Variants in GAMT observed in about 807,000 individuals in gnomAD.
GAMT encodes the protein epididymis secretory protein Li 20.
Under a neutral mutation model 26.9 loss-of-function variants are expected in GAMT, and 26 were observed. The observed-to-expected ratio is 0.97, with a 90% CI of 0.71 to 1.34. The LOEUF (loss-of-function observed/expected upper bound fraction) is 1.34, where lower values mean the gene tolerates loss of function less well. GAMT is among the 40% of genes most tolerant of loss of function. The pLI, the probability that GAMT is intolerant of heterozygous loss-of-function variation, is 0.00. For missense variants in GAMT, 412 were observed against 345.0 expected (o/e 1.19, Z -1.54); for synonymous variants, 169 against 149.6 (o/e 1.13, Z -0.95).
chr19:1,398,317 C>G (rs943379716), intron 5 of GAMT: 39 of 188,800 alleles, frequency 2.1e-4, no homozygotes, highest in African/African-American at 8.5e-4. Flanking sequence ...AGGCTAGGCT[C>G]AAACTCCTGG....
At chr19:1,398,611 A>ATT (rs61684562) in intron 5 of GAMT, 89 of 683,776 alleles carry the variant, frequency 1.3e-4, no homozygotes, top group South Asian at 1.8e-4. Context: ...AGTTTTTTGT[A>ATT]TTTTTTTTTT....
At chr19:1,398,064 T>C in intron 5 of GAMT, 1 of 998,346 alleles carries the variant, frequency 1.0e-6, no homozygotes, top group Non-Finnish European at 1.2e-6. Context: ...CATGGGAGGT[T>C]GTTGAGCTGG....
chr19:1,397,612 G>A, intron 5 of GAMT, 113 bp from the exon 6 acceptor site: 2 of 1,512,464 alleles, frequency 1.3e-6, no homozygotes, highest in East Asian at 2.3e-5. Context: ...GTGGGCGGCT[G>A]CAGCTCCCGT....
chr19:1,397,684 G>A (rs907718719), intron 5 of GAMT, 185 bp from the exon 6 acceptor site: 17 of 1,375,888 alleles, frequency 1.2e-5, no homozygotes, highest in Non-Finnish European at 1.5e-5. Context: ...GCTCCCCAGT[G>A]CGGGCAGCAG....
Position 1,401,361 on chromosome 19 carries a change from TTGCCCAGGA to T in GAMT, c.107_115del (p.Ile36_Gly38del). The T allele has an allele frequency of 1.3e-6, 2 of 1,528,130 alleles. No individual in the cohort carries two copies. Among genetic ancestry groups the T allele is most frequent in the Non-Finnish European group, 1.7e-6 (2 of 1,146,710 alleles). The allele number at this position is 1,528,130 out of a possible 1,614,324, so 94.7% of individuals were successfully genotyped here. A position where few individuals can be genotyped will look rare whatever the true frequency, so the allele number is the denominator to read the frequency against. Reference sequence around the variant, plus strand: ...GGTCTCCCAGCGCTCCATCACCGGCTTGCCCAGGATGCGCAGGTGCGTGTCCGCTGCGTC... The same window carrying T: ...GGTCTCCCAGCGCTCCATCACCGGCTTGCGCAGGTGCGTGTCCGCTGCGTC... On this transcript the variant is annotated inframe_deletion, in exon 1 of 6. Transcript: ENST00000252288.
chr19:1,398,450 T>A, intron 5 of GAMT: 1 of 416,958 alleles, frequency 2.4e-6, no homozygotes, highest in Non-Finnish European at 4.2e-6. Context: ...CTTTCTTTTT[T>A]CTTGAGACAG....
chr19:1,398,289 G>T (rs2082611943), intron 5 of GAMT: 2 of 180,628 alleles, frequency 1.1e-5, no homozygotes, highest in African/African-American at 4.8e-5. Context: ...GTAGAGATGG[G>T]ATTCTGCCAT....
intron 1 of GAMT, among the ~76,000 whole-genome samples, chr19:1,401,033 G>A (rs1451326641): frequency 2.6e-5 from 4 of 152,206 alleles, no homozygotes; most frequent in Admixed American, 1.3e-4. Context: ...CACGTTTGAG[G>A]TCCCCATCTG....
Position 1,397,116 on chromosome 19 carries a change from C to T in GAMT, c.*243G>A, listed in dbSNP as rs1600156809. The stretch of plus-strand genomic sequence containing the variant: ...ACTGCCGACTGGCCAAGCCCAGCGC[C>T]GGCGTTTACTTCACCTCAGGGACCC... On this transcript the variant is annotated 3_prime_UTR_variant, in exon 6 of 6. Coordinates refer to ENST00000252288, the MANE Select transcript of GAMT (RefSeq NM_000156.6). 3.7e-6 allele frequency: 2 copies of T among 539,970 alleles called. No individual in the cohort carries two copies. The highest frequency in any genetic ancestry group is 3.3e-6 in the Non-Finnish European group (1 of 302,240). The allele number at this position is 539,970 out of a possible 1,614,324, so 33.4% of individuals were successfully genotyped here.
chr19:1,401,347 G>A lies in GAMT; in HGVS notation c.130C>T (p.Arg44Cys), dbSNP rs1449794637. 6 of 1,537,474 alleles carry A rather than the reference G, an allele frequency of 3.9e-6. No homozygotes were observed. The highest frequency in any genetic ancestry group is 2.8e-5 in the African/African-American group (2 of 70,450). ...LRILGKPVME[R>C]WETPYMHALA... ...GCGTGCATATAGGGGGTCTCCCAGCGCTCCATCACCGGCTTGCCCAGGATG... is the reference window on the plus strand; with the variant it reads ...GCGTGCATATAGGGGGTCTCCCAGCACTCCATCACCGGCTTGCCCAGGATG... The change falls in exon 1 of 6, where the codon CGC becomes TGC. Residue 44 changes from arginine to cysteine, a missense_variant. By Grantham distance (180) the Arg-to-Cys change is radical. Coordinates refer to ENST00000252288, the MANE Select transcript of GAMT (RefSeq NM_000156.6).
intron 5 of GAMT, chr19:1,398,714 G>C: frequency 6.5e-7 from 1 of 1,537,572 alleles, no homozygotes; most frequent in Non-Finnish European, 8.7e-7. Flanking sequence ...ACAGTGCTGG[G>C]ATTATAGACC....
At position 1,397,825 on chromosome 19, in the gene GAMT, T is replaced by G. The variant is rs1021843600; in HGVS notation, c.571-326A>C. The G allele has an allele frequency of 5.8e-6, 7 of 1,205,174 alleles. No homozygotes were observed. In the Admixed American group the frequency reaches 1.1e-4, roughly 20 times the overall value. 74.7% of individuals were successfully genotyped at this position (1,205,174 alleles called of 1,614,324 possible). A position where few individuals can be genotyped will look rare whatever the true frequency, so the allele number is the denominator to read the frequency against. ...ACACCAGAAAAAGAACACAGGCCAC[T>G]AGTTCCCATTTTGGAAGAAAAGCTG... On this transcript the variant is annotated intron_variant, in intron 5 of 5. Transcript: ENST00000252288.
chr19:1,401,253 TC>T, intron 1 of GAMT, 42 bp downstream of exon 1: 1 of 1,376,046 alleles, frequency 7.3e-7, no homozygotes, highest in Non-Finnish European at 9.4e-7. Flanking sequence ...GGCCTCAGTT[TC>T]CCCTGCGCCC....
In GAMT at chr19:1,399,852, CGAT is replaced by C. The variant is rs750232484; in HGVS notation, c.265_267del (p.Ile89del). The C allele has an allele frequency of 2.5e-6, 4 of 1,599,250 alleles. No individual in the cohort carries two copies. In the East Asian group the frequency reaches 6.8e-5, roughly 27 times the overall value. ...CGCTGGAAGACGCCGTCATTGCACT[CGAT>C]GATCCAATGCTCATCAATGGGCGCC... On this transcript the variant is annotated inframe_deletion, in exon 2 of 6. Transcript: ENST00000252288. The surrounding 1 kb of genome is among the most constrained non-coding windows in gnomAD (Gnocchi z 6.2).
At position 1,397,415 on chromosome 19, in the gene GAMT, C is replaced by T. The variant is rs753228876; in HGVS notation, c.655G>A (p.Asp219Asn). Residue 219 changes from aspartate (D) to asparagine (N), a missense_variant, in exon 6 of 6, where the codon GAC (aspartate) becomes AAC (asparagine). Coordinates refer to ENST00000252288, the MANE Select transcript of GAMT (RefSeq NM_000156.6). ...TGTGGGAAGGCGTAGTAGCGGCAGT[C>T]GGCCGGTGGGACCAGCGCCATCACC... ...TEVMALVPPA[D>N]CRYYAFPQMI... 6.1e-5 allele frequency: 99 copies of T among 1,611,522 alleles called. No homozygotes were observed. Among genetic ancestry groups the T allele is most frequent in the Admixed American group, 4.8e-4 (29 of 59,986 alleles).
In GAMT at chr19:1,399,662, C is replaced by T. The variant is rs750821820; in HGVS notation, c.328-75G>A. On this transcript the variant is annotated intron_variant, in intron 2 of 5. Coordinates refer to ENST00000252288, the MANE Select transcript of GAMT (RefSeq NM_000156.6). The surrounding 1 kb of genome is among the most constrained non-coding windows in gnomAD (Gnocchi z 6.2). ...GATCTCCCCACCTGCAGAAAGGGAG[C>T]GGCCAGGGGGACTCCCGAGAGAGAA... 20 of 1,533,260 alleles carry T rather than the reference C, an allele frequency of 1.3e-5. No individual in the cohort carries two copies. The highest frequency in any genetic ancestry group is 1.7e-4 in the Middle Eastern group (1 of 5,968). 95.0% of individuals were successfully genotyped at this position (1,533,260 alleles called of 1,614,324 possible). A position where few individuals can be genotyped will look rare whatever the true frequency, so the allele number is the denominator to read the frequency against.
chr19:1,398,066 T>C, intron 5 of GAMT: 1 of 998,048 alleles, frequency 1.0e-6, no homozygotes, highest in Non-Finnish European at 1.2e-6. Flanking sequence ...TGGGAGGTTG[T>C]TGAGCTGGTG....
chr19:1,397,954 C>G (rs1389383027), intron 5 of GAMT: 8 of 1,061,998 alleles, frequency 7.5e-6, no homozygotes, highest in Non-Finnish European at 9.1e-6. Context: ...GAGGGAACAG[C>G]GAGACAAGCA....
At position 1,399,427 on chromosome 19, in the gene GAMT, T is replaced by TC. The variant is rs1359540297; in HGVS notation, c.391+96dup. 4.1e-6 allele frequency: 5 copies of TC among 1,216,244 alleles called. No individual in the cohort carries two copies. Among genetic ancestry groups the TC allele is most frequent in the African/African-American group, 3.0e-5 (2 of 66,242 alleles). 75.3% of individuals were successfully genotyped at this position (1,216,244 alleles called of 1,614,324 possible). A position where few individuals can be genotyped will look rare whatever the true frequency, so the allele number is the denominator to read the frequency against. On this transcript the variant is annotated intron_variant, in intron 3 of 5. Transcript: ENST00000252288. This position sits in a 1 kb window ranked among gnomAD's most constrained non-coding sequence, Gnocchi z 6.2. ...CAGGCCCACACCCACTTGGGCTCTG[T>TC]CCCCCCAGTGCACATCAGAGGGACC...
Sources: gnomAD v4.1 joint callset for allele counts (sites outside exome capture counted in the v4.1 genomes callset) on GRCh38, gnomAD v4.1.1 for gene constraint, Gnocchi (gnomAD v3.1) non-coding constraint, MANE v1.5 for transcripts, NCBI Gene and HGNC (gene_info 2026-07-23, HGNC 2026-07-21) for gene names.